ELAVL1: variants seen among roughly 807,000 people sequenced by gnomAD.
ELAVL1 encodes ELAV like RNA binding protein 1.
In ELAVL1, 1 loss-of-function variant was observed where a neutral mutation model predicts 28.4. The observed-to-expected ratio is 0.04, with a 90% CI of 0.01 to 0.17. The LOEUF (loss-of-function observed/expected upper bound fraction) is 0.17. Ranked by LOEUF, ELAVL1 falls within the 10% of genes least tolerant of loss-of-function variation. The pLI is 1.00. For missense variants in ELAVL1, 157 were observed against 447.2 expected, an observed-to-expected ratio of 0.35 and a Z score of 5.85; for synonymous variants, 174 against 183.5, an observed-to-expected ratio of 0.95 and a Z score of 0.42.
chr19:8,003,501 G>C (rs1353717290), intron 1 of ELAVL1, among the ~76,000 whole-genome samples: 1 of 151,350 alleles, frequency 6.6e-6, no homozygotes, highest in Non-Finnish European at 1.5e-5. Context: ...GACCATCCTG[G>C]CTAACACGGT....
chr19:7,976,274 C>T (rs1434899432), intron 3 of ELAVL1, among the ~76,000 whole-genome samples: 7 of 145,714 alleles, frequency 4.8e-5, no homozygotes, highest in South Asian at 2.2e-4. Flanking sequence ...TGGTGGCAGG[C>T]GCCTGTAGTC....
At position 8,005,529 on chromosome 19, in the gene ELAVL1, G is replaced by A. The variant is rs2081084686; in HGVS notation, c.-51C>T. The A allele has an allele frequency of 1.4e-5, 2 of 147,590 alleles. No individual in the cohort carries two copies. The highest frequency in any genetic ancestry group is 4.9e-5 in the African/African-American group (2 of 40,894). 9.1% of individuals were successfully genotyped at this position (147,590 alleles called of 1,614,324 possible). ...GGCGGGCGGGCCCGGGGCTGCTCCG[G>A]GGCGGGCGGGAGGCGGCGGCGGCGC... On this transcript the variant is annotated 5_prime_UTR_variant, in exon 1 of 6. Coordinates refer to ENST00000407627, the MANE Select transcript of ELAVL1 (RefSeq NM_001419.3).
At chr19:8,001,392 G>A (rs141920050) in intron 1 of ELAVL1, among the ~76,000 whole-genome samples, 2 of 152,226 alleles carry the variant, frequency 1.3e-5, no homozygotes, top group East Asian at 3.9e-4. Flanking sequence ...TCACCGTCCT[G>A]CCACCTCTCT....
chr19:7,973,737 C>A lies in ELAVL1; in HGVS notation c.418G>T (p.Asp140Tyr). ...GRIINSRVLV[D>Y]QTTGLSRGVA... is the part of the protein sequence containing the mutation. ...GCCCCTCTGGTACCTGTAGTCTGAT[C>A]CACGAGGACCCGCGAGTTGATGATC... is the stretch of plus-strand genomic sequence containing the variant. Residue 140 changes from aspartate (D) to tyrosine (Y), a missense_variant, in exon 4 of 6, where the codon GAT becomes TAT. This residue lies in a region of ELAVL1 where 107 missense variants were observed against 310.4 expected (regional missense o/e 0.34). Transcript: ENST00000407627. The A allele has an allele frequency of 6.2e-7, 1 of 1,614,094 alleles. No individual in the cohort carries two copies. The highest frequency in any genetic ancestry group is 8.5e-7 in the Non-Finnish European group (1 of 1,179,976).
At chr19:7,966,459 A>G (rs1039164393) in intron 5 of ELAVL1, among the ~76,000 whole-genome samples, 1 of 152,224 alleles carries the variant, frequency 6.6e-6, no homozygotes, top group Non-Finnish European at 1.5e-5. Context: ...AACAGAATGC[A>G]TACATACAAC....
intron 1 of ELAVL1, among the ~76,000 whole-genome samples, chr19:7,999,459 CTT>C (rs1327029130): frequency 6.6e-6 from 1 of 152,200 alleles, no homozygotes; most frequent in Non-Finnish European, 1.5e-5. Flanking sequence ...TGCTGTAAAC[CTT>C]TGTTACTGTC....
At chr19:7,985,700 GGA>G (rs556078908) in intron 2 of ELAVL1, among the ~76,000 whole-genome samples, 72 of 152,344 alleles carry the variant, frequency 4.7e-4, no homozygotes, top group Non-Finnish European at 9.1e-4. Context: ...GAGATGGGAT[GGA>G]GAGGGTGTGG....
At chr19:7,970,372 G>C (rs917547346) in intron 4 of ELAVL1, among the ~76,000 whole-genome samples, 1 of 152,216 alleles carries the variant, frequency 6.6e-6, no homozygotes, top group Non-Finnish European at 1.5e-5. Flanking sequence ...GGCCAGGATG[G>C]TCTCGACCTC....
intron 4 of ELAVL1, 94 bp from the exon 5 acceptor site, chr19:7,967,884 A>C: frequency 7.4e-7 from 1 of 1,356,998 alleles, no homozygotes; most frequent in East Asian, 2.3e-5. Context: ...ACTGTGGGCC[A>C]GGCTAGAAGT....
chr19:7,970,298 G>C (rs1487749583), intron 4 of ELAVL1, among the ~76,000 whole-genome samples: 2 of 152,228 alleles, frequency 1.3e-5, no homozygotes, highest in African/African-American at 4.8e-5. Flanking sequence ...TGGGATTACA[G>C]GTGCCTGCCA....
At chr19:7,999,292 G>T (rs2081059447) in intron 1 of ELAVL1, among the ~76,000 whole-genome samples, 2 of 152,212 alleles carry the variant, frequency 1.3e-5, no homozygotes, top group African/African-American at 4.8e-5. Context: ...AGACTCACTT[G>T]AACGCGGGAG....
rs1300417110 is a variant in ELAVL1, at chr19:7,981,687, G to T, written c.173-501C>A. Among the ~76,000 whole-genome samples, 2 of 152,122 alleles carry T rather than the reference G, an allele frequency of 1.3e-5. No individual in the cohort carries two copies. The highest frequency in any genetic ancestry group is 3.8e-4 in the East Asian group (2 of 5,204). The stretch of plus-strand genomic sequence containing the variant: ...AGCCTGGCCAAGAGGTTTTACTTTT[G>T]TAATTAAAATAACCCCAAAAGTTAT... On this transcript the variant is annotated intron_variant, in intron 2 of 5. Coordinates refer to ENST00000407627, the MANE Select transcript of ELAVL1 (RefSeq NM_001419.3). This position sits in a 1 kb window ranked among gnomAD's most constrained non-coding sequence, Gnocchi z 4.2.
intron 1 of ELAVL1, among the ~76,000 whole-genome samples, chr19:8,003,317 A>G (rs895066913): frequency 7.3e-6 from 1 of 137,760 alleles, no homozygotes; most frequent in African/African-American, 2.7e-5. Context: ...AGATGGCACA[A>G]CTGCACTCCA....
rs1163794156 is a variant in ELAVL1 at position 7,961,055 on chromosome 19, A to ATGT, written c.*2425_*2427dup. 2 of 152,352 alleles carry ATGT rather than the reference A, an allele frequency of 1.3e-5. No homozygotes were observed. The highest frequency in any genetic ancestry group is 3.9e-4 in the East Asian group (2 of 5,184). The allele number at this position is 152,352 out of a possible 1,614,324, so 9.4% of individuals were successfully genotyped here. A position where few individuals can be genotyped will look rare whatever the true frequency, so the allele number is the denominator to read the frequency against. ...ACAGCGGAGACCACATACAATGAGA[A>ATGT]TGTTCCTGAACTGAGAAACTTCAGG... On this transcript the variant is annotated 3_prime_UTR_variant, in exon 6 of 6. Transcript: ENST00000407627.
At chr19:7,988,270 AAGGGGCCG>A (rs1472635926) in intron 2 of ELAVL1, among the ~76,000 whole-genome samples, 1 of 152,112 alleles carries the variant, frequency 6.6e-6, no homozygotes, top group Non-Finnish European at 1.5e-5. Flanking sequence ...TACTGAATTT[AAGGGGCCG>A]AGGGCTTCTG....
intron 4 of ELAVL1, 93 bp from the exon 5 acceptor site, chr19:7,967,883 C>T: frequency 7.2e-7 from 1 of 1,382,526 alleles, no homozygotes; most frequent in South Asian, 1.4e-5. Context: ...TACTGTGGGC[C>T]AGGCTAGAAG....
chr19:7,963,393 T>C lies in ELAVL1; in HGVS notation c.*90A>G, dbSNP rs920151529. 173 of 1,451,136 alleles carry C rather than the reference T, an allele frequency of 1.2e-4. 1 individual carries two copies. Among genetic ancestry groups the C allele is most frequent in the Middle Eastern group, 2.0e-4 (1 of 5,052 alleles). 89.9% of individuals were successfully genotyped at this position (1,451,136 alleles called of 1,614,324 possible). ...AGACAAAGACAAACACTTGTGAAAA[T>C]TGGCGCAAAATGAGTTGTACACTAA... is the stretch of plus-strand genomic sequence containing the variant. On this transcript the variant is annotated 3_prime_UTR_variant, in exon 6 of 6. Transcript: ENST00000407627. The surrounding 1 kb of genome is among the most constrained non-coding windows in gnomAD (Gnocchi z 4.5).
intron 3 of ELAVL1, among the ~76,000 whole-genome samples, chr19:7,980,453 G>C (rs997505136): frequency 5.9e-5 from 9 of 152,178 alleles, no homozygotes; most frequent in Admixed American, 5.9e-4. Context: ...ACGAGAGCGC[G>C]GGTCAGATGA....
intron 1 of ELAVL1, among the ~76,000 whole-genome samples, chr19:7,999,386 A>G (rs188924193): frequency 8.5e-4 from 130 of 152,278 alleles, no homozygotes; most frequent in African/African-American, 3.0e-3. Flanking sequence ...AATAAAAAAT[A>G]AAAGGCCACC....
Sources: gnomAD v4.1 joint callset for allele counts (sites outside exome capture counted in the v4.1 genomes callset) on GRCh38, gnomAD v4.1.1 for gene constraint, gnomAD v4.1.1 regional missense constraint, Gnocchi (gnomAD v3.1) non-coding constraint, MANE v1.5 for transcripts, NCBI Gene and HGNC (gene_info 2026-07-23, HGNC 2026-07-21) for gene names.